Variants in CHD8 observed in about 807,000 individuals in gnomAD.
CHD8 encodes the protein chromodomain helicase DNA binding protein 8, also known as ATP-dependent chromatin remodeler CHD8.
CHD8 carries 31 observed loss-of-function variants against 279.2 expected under a neutral mutation model. The ratio of observed to expected loss-of-function variants is 0.11; its 90% CI spans 0.08 to 0.15. The LOEUF (loss-of-function observed/expected upper bound fraction) is 0.15. Ranked by LOEUF, CHD8 falls within the 10% of genes least tolerant of loss-of-function variation. The pLI, the probability that CHD8 is intolerant of heterozygous loss-of-function variation, is 1.00. For synonymous variants in CHD8, 1,081 were observed against 1,139.6 expected, an observed-to-expected ratio of 0.95 and a Z score of 1.04; for missense variants, 2,146 against 3,230.5, an observed-to-expected ratio of 0.66 and a Z score of 8.14.
chr14:21,434,423 T>C (rs1296145398), intron 1 of CHD8, among the ~76,000 whole-genome samples: 2 of 152,156 alleles, frequency 1.3e-5, no homozygotes, highest in Admixed American at 6.5e-5. Context: ...GTCGCTTCCA[T>C]GATTCCTTGC....
intron 5 of CHD8, among the ~76,000 whole-genome samples, chr14:21,425,118 A>C (rs1307472224): frequency 1.3e-5 from 2 of 152,098 alleles, no homozygotes; most frequent in Non-Finnish European, 2.9e-5. Flanking sequence ...TCATCTTCAA[A>C]ACGTAGCAAG....
Position 21,431,594 on chromosome 14 carries a change from A to G in CHD8, c.50T>C (p.Leu17Pro). ...AAAGCTGTCATCAGTCAGAGAGTCC[A>G]GGCCAAATAAATTTGGGTCATCGAA... ...DLFDDPNLFG[L>P]DSLTDDSFNQ... Residue 17 changes from leucine (L) to proline (P), a missense_variant, in exon 2 of 38, where the codon CTG (leucine) becomes CCG (proline). By Grantham distance (98) the Leu-to-Pro change is moderately conservative (BLOSUM62 -3). This residue lies in a region of CHD8 where 302 missense variants were observed against 325.5 expected (regional missense o/e 0.93). Coordinates refer to ENST00000646647, the MANE Select transcript of CHD8 (RefSeq NM_001170629.2). The G allele has an allele frequency of 6.5e-7, 1 of 1,537,382 alleles. No individual in the cohort carries two copies. Among genetic ancestry groups the G allele is most frequent in the Non-Finnish European group, 8.7e-7 (1 of 1,146,870 alleles).
chr14:21,436,932 G>A (rs554058220), intron 1 of CHD8: 16 of 1,288,406 alleles, frequency 1.2e-5, no homozygotes, highest in Middle Eastern at 4.2e-4. Flanking sequence ...GTGCCAGTAA[G>A]GTCCATACAG....
intron 1 of CHD8, chr14:21,437,023 GT>G (rs1889811448): frequency 1.6e-6 from 2 of 1,222,616 alleles, no homozygotes; most frequent in Non-Finnish European, 2.1e-6. Context: ...GCTAGCGGGG[GT>G]GCCCTCCAGG....
At chr14:21,445,505 T>C (rs1890090800) in intron 1 of CHD8, among the ~76,000 whole-genome samples, 1 of 150,946 alleles carries the variant, frequency 6.6e-6, no homozygotes, top group Non-Finnish European at 1.5e-5. Context: ...GCCAACATGG[T>C]GAAACCCCAT....
In CHD8 at chr14:21,385,651, G is replaced by A; in HGVS notation, c.7708C>T (p.Pro2570Ser). ...DFSLIDDPMM[P>S]ANSDSSEDAD... Reference sequence around the variant, plus strand: ...TCTTCACTGGAGTCTGAGTTAGCTGGCATCATAGGATCATCAATGAGTGAG... The same window carrying A: ...TCTTCACTGGAGTCTGAGTTAGCTGACATCATAGGATCATCAATGAGTGAG... The change falls in exon 38 of 38, where the codon CCA becomes TCA. Residue 2570 changes from proline (P) to serine (S), a missense_variant. Pro to Ser is a moderately conservative substitution (Grantham distance 74). Around this residue, in one of 26 missense-constraint regions of CHD8, gnomAD observed 336 missense variants for 392.9 expected, o/e 0.86. Coordinates refer to ENST00000646647, the MANE Select transcript of CHD8 (RefSeq NM_001170629.2). 1 of 1,551,820 alleles carries A rather than the reference G, an allele frequency of 6.4e-7. No homozygotes were observed. Among genetic ancestry groups the A allele is most frequent in the East Asian group, 2.4e-5 (1 of 40,920 alleles).
chr14:21,393,421 AGAG>A, intron 32 of CHD8, 52 bp downstream of exon 32: 2 of 1,503,432 alleles, frequency 1.3e-6, no homozygotes, highest in Non-Finnish European at 1.8e-6. Context: ...GAAAAGGGAA[AGAG>A]AAGAGAGGGG....
At chr14:21,451,480 G>A (rs1890253823) in intron 1 of CHD8, among the ~76,000 whole-genome samples, 1 of 147,866 alleles carries the variant, frequency 6.8e-6, no homozygotes, top group South Asian at 2.1e-4. Context: ...GCTGAGGCAG[G>A]AGAGTCACCT....
chr14:21,443,869 A>C lies in CHD8; in HGVS notation c.-215-12011T>G, dbSNP rs189688557. Among the ~76,000 whole-genome samples the C allele has an allele frequency of 6.7e-3, 1,012 of 151,546 alleles. 13 individuals carry two copies. The highest frequency in any genetic ancestry group is 0.023 in the African/African-American group (940 of 41,142). On this transcript the variant is annotated intron_variant, in intron 1 of 37. Coordinates refer to ENST00000646647, the MANE Select transcript of CHD8 (RefSeq NM_001170629.2). ...AGACTCCGTCTCAAAAAAAAAAAAA[A>C]AAAAAAAAAACAACACTTTAAAATG...
intron 1 of CHD8, among the ~76,000 whole-genome samples, chr14:21,448,704 G>A (rs1386565215): frequency 6.6e-6 from 1 of 151,718 alleles, no homozygotes; most frequent in East Asian, 2.0e-4. Context: ...CTACAGGCGC[G>A]CGCCACTACA....
In CHD8 at chr14:21,408,486, T is replaced by C. The variant is rs777401282; in HGVS notation, c.2556A>G (p.Glu852=). Residue 852 remains glutamate (E), a synonymous_variant, in exon 13 of 38, where the codon GAA becomes GAG. Transcript: ENST00000646647. This position sits in a 1 kb window ranked among gnomAD's most constrained non-coding sequence, Gnocchi z 4.3. ...GACCATGGATGCCCACATTATATAC[T>C]TCCTGCAAGAAGGCAATGGACTGAA... ...KTIQSIAFLQ[E]VYNVGIHGPF... 1 of 1,613,940 alleles carries C rather than the reference T, an allele frequency of 6.2e-7. No homozygotes were observed. The highest frequency in any genetic ancestry group is 8.5e-7 in the Non-Finnish European group (1 of 1,179,862).
In CHD8 at chr14:21,385,454, G is replaced by A. The variant is rs1284399583; in HGVS notation, c.*159C>T. On this transcript the variant is annotated 3_prime_UTR_variant, in exon 38 of 38. Transcript: ENST00000646647. ...CTGCCCACCCAATCCTCTCATAATTGGGAGCAATCAGGTACATTTTTTTTT... is the reference window on the plus strand; with the variant it reads ...CTGCCCACCCAATCCTCTCATAATTAGGAGCAATCAGGTACATTTTTTTTT... 8.4e-7 allele frequency: 1 copy of A among 1,193,334 alleles called. No homozygotes were observed. Among genetic ancestry groups the A allele is most frequent in the East Asian group, 2.6e-5 (1 of 38,668 alleles). 73.9% of individuals were successfully genotyped at this position (1,193,334 alleles called of 1,614,324 possible). A position where few individuals can be genotyped will look rare whatever the true frequency, so the allele number is the denominator to read the frequency against.
intron 2 of CHD8, chr14:21,429,783 T>C (rs776356366): frequency 1.5e-4 from 40 of 272,844 alleles, no homozygotes; most frequent in Non-Finnish European, 2.6e-4. Flanking sequence ...GCTGGTACTA[T>C]AGGTGCATGC....
Position 21,431,296 on chromosome 14 carries a change from T to C in CHD8, c.348A>G (p.Thr116=), listed in dbSNP as rs1248069569. ...TCTTGGAGACTTGCAAAAGTCCTGA[T>C]GTTGGCGTCGATGTCTGTAAGACAG... is the stretch of plus-strand genomic sequence containing the variant. ...AQPVLQTSTP[T]SGLLQVSKSQ... Residue 116 remains threonine (T), a synonymous_variant, in exon 2 of 38, where the codon ACA becomes ACG. Transcript: ENST00000646647. 3.8e-6 allele frequency: 6 copies of C among 1,565,462 alleles called. No individual in the cohort carries two copies. The South Asian group carries it at 6.9e-5, about 18-fold the overall frequency.
intron 13 of CHD8, among the ~76,000 whole-genome samples, chr14:21,407,526 T>C (rs1361067848): frequency 2.0e-5 from 3 of 152,134 alleles, no homozygotes; most frequent in South Asian, 4.1e-4. Context: ...AGAAAACTAA[T>C]AGAGAAACAA....
rs577715352 is a variant in CHD8, at chr14:21,441,182, T to TTA, written c.-215-9325_-215-9324insTA. Among the ~76,000 whole-genome samples the TTA allele has an allele frequency of 5.0e-4, 76 of 152,288 alleles. 1 individual carries two copies. In the East Asian group the frequency reaches 0.014, roughly 29 times the overall value. The stretch of plus-strand genomic sequence containing the variant: ...TTAGACAATATTTGGCAATGGCAGA[T>TTA]ATTAGAGTCCAACTGTAGCATCCTA... On this transcript the variant is annotated intron_variant, in intron 1 of 37. Coordinates refer to ENST00000646647, the MANE Select transcript of CHD8 (RefSeq NM_001170629.2).
At chr14:21,404,135 C>T (rs972615597) in intron 16 of CHD8, among the ~76,000 whole-genome samples, 2 of 150,422 alleles carry the variant, frequency 1.3e-5, no homozygotes, top group Admixed American at 6.6e-5. Context: ...CAGTGGTTCA[C>T]GCCTGTAATC....
In CHD8 at chr14:21,412,941, G is replaced by T; in HGVS notation, c.2198C>A (p.Ser733Tyr). 1 of 1,609,770 alleles carries T rather than the reference G, an allele frequency of 6.2e-7. No homozygotes were observed. Among genetic ancestry groups the T allele is most frequent in the Non-Finnish European group, 8.5e-7 (1 of 1,176,274 alleles). Residue 733 changes from serine (S) to tyrosine (Y), a missense_variant, in exon 10 of 38, where the codon TCT becomes TAT. This residue lies in a region of CHD8 where 211 missense variants were observed against 464.7 expected (regional missense o/e 0.45). Transcript: ENST00000646647. ...CCCATTGTCCTTGTCAATACTGTGA[G>T]ACTCATCCAATATCCTATCCACCTC... The part of the protein sequence containing the change: ...YVEVDRILDE[S>Y]HSIDKDNGEP...
intron 1 of CHD8, chr14:21,436,768 T>C (rs1889794943): frequency 8.1e-6 from 3 of 371,598 alleles, no homozygotes; most frequent in South Asian, 5.9e-5. Context: ...GACATGTATT[T>C]TCAGGGGGTA....
Sources: allele counts gnomAD v4.1 joint callset (sites outside exome capture counted in the v4.1 genomes callset), GRCh38; gene constraint gnomAD v4.1.1; regional missense constraint gnomAD v4.1.1; non-coding constraint Gnocchi (gnomAD v3.1); transcripts MANE v1.5; gene names NCBI Gene and HGNC (gene_info 2026-07-23, HGNC 2026-07-21).